ARHGEF1: variants seen among roughly 807,000 people sequenced by gnomAD.
ARHGEF1 encodes the protein 115 kDa guanine nucleotide exchange factor.
A neutral mutation model predicts 119.7 loss-of-function variants in ARHGEF1; 40 were observed. The ratio of observed to expected loss-of-function variants is 0.33; its 90% confidence interval spans 0.26 to 0.44. ARHGEF1 has a LOEUF of 0.44. Among genes scored for constraint, ARHGEF1 ranks in the 20% least tolerant of loss-of-function variants. The probability of loss-of-function intolerance (pLI) is 1.00; values close to 1 mark genes in which losing one functional copy is unlikely to be tolerated. For synonymous variants in ARHGEF1, 494 were observed against 521.0 expected (o/e 0.95, Z 0.71); for missense variants, 976 against 1,268.3 (o/e 0.77, Z 3.50).
At chr19:41,918,005 C>A (rs902722942) in intron 18 of ARHGEF1, among the ~76,000 whole-genome samples, 3 of 152,102 alleles carry the variant, frequency 2.0e-5, no homozygotes, top group African/African-American at 7.2e-5. Flanking sequence ...CAGGGGCCGG[C>A]CCTCGACAGG....
downstream of ARHGEF1, chr19:41,909,279 A>C (rs1440635522): frequency 1.6e-6 from 2 of 1,233,224 alleles, no homozygotes; most frequent in East Asian, 6.3e-5. The surrounding 1 kb of genome is among the most constrained non-coding windows in gnomAD (Gnocchi z 5.2). Context: ...GACTCACCTC[A>C]GGGGTGAGGG....
rs978582152 is a variant in ARHGEF1, at chr19:41,902,455, C to T, written c.1498-78C>T. The T allele has an allele frequency of 3.6e-5, 58 of 1,611,048 alleles. No homozygotes were observed. The highest frequency in any genetic ancestry group is 1.6e-4 in the Middle Eastern group (1 of 6,072). On this transcript the variant is annotated intron_variant, in intron 16 of 28. Transcript: ENST00000354532. The surrounding 1 kb of genome is among the most constrained non-coding windows in gnomAD (Gnocchi z 6.5). ...CCCTACTCCAGTCCCAGGGTCTGGG[C>T]TTCCAGCCTGTCGTACTTTAGTCCC...
rs1254943325 is a variant in ARHGEF1, at chr19:41,904,646, T to C, written c.2161+263T>C. Among the ~76,000 whole-genome samples the C allele has an allele frequency of 6.6e-6, 1 of 152,062 alleles. No individual in the cohort carries two copies. Among genetic ancestry groups the C allele is most frequent in the African/African-American group, 2.4e-5 (1 of 41,386 alleles). The stretch of plus-strand genomic sequence containing the variant: ...CAGGAGTCCAGTGAGGAGGGATTTG[T>C]AAACATACTACTAGGAAGTTGCACC... On this transcript the variant is annotated intron_variant, in intron 22 of 28. Coordinates refer to ENST00000354532, the MANE Select transcript of ARHGEF1 (RefSeq NM_004706.4). This position sits in a 1 kb window ranked among gnomAD's most constrained non-coding sequence, Gnocchi z 8.4.
chr19:41,894,379 C>G, intron 9 of ARHGEF1, 72 bp from the exon 10 acceptor site: 1 of 1,515,418 alleles, frequency 6.6e-7, no homozygotes, highest in East Asian at 2.3e-5. Context: ...ACTCTGGATA[C>G]CTAGCGTCAA....
Position 41,889,058 on chromosome 19 carries a change from A to G in ARHGEF1, c.225+193A>G. 1 of 576,278 alleles carries G rather than the reference A, an allele frequency of 1.7e-6. No individual in the cohort carries two copies. Among genetic ancestry groups the G allele is most frequent in the South Asian group, 2.0e-5 (1 of 48,918 alleles). 35.7% of individuals were successfully genotyped at this position (576,278 alleles called of 1,614,324 possible). A position where few individuals can be genotyped will look rare whatever the true frequency, so the allele number is the denominator to read the frequency against. ...TGCCACGTGACCTCAACAGGCTTAC[A>G]AGTGCCCAGGGTAGATCTCAGTGCG... On this transcript the variant is annotated intron_variant, in intron 4 of 28. Transcript: ENST00000354532. The surrounding 1 kb of genome is among the most constrained non-coding windows in gnomAD (Gnocchi z 4.0).
rs1555849709 is a variant in ARHGEF1 at position 41,904,383 on chromosome 19, G to A, written c.2161G>A (p.Asp721Asn). Reference sequence around the variant, plus strand: ...CGCCATGACCCGCGAGGTGGCCACCGGTGAGTGCAGCCACTGCATGGCCCA... The same window carrying A: ...CGCCATGACCCGCGAGGTGGCCACCAGTGAGTGCAGCCACTGCATGGCCCA... ...TSAMTREVAT[D>N]HKAFYVLFTW... is the part of the protein sequence containing the mutation. Residue 721 changes from aspartate (D) to asparagine (N), a missense_variant and splice_region_variant, in exon 22 of 29, where the codon GAT becomes AAT. Physicochemically the swap from Asp to Asn is conservative, Grantham distance 23. This residue lies in a region of ARHGEF1 where 286 missense variants were observed against 506.8 expected (regional missense o/e 0.56). Transcript: ENST00000354532. This position sits in a 1 kb window ranked among gnomAD's most constrained non-coding sequence, Gnocchi z 8.4. The A allele has an allele frequency of 5.8e-6, 9 of 1,563,554 alleles. No individual in the cohort carries two copies. The South Asian group carries it at 7.0e-5, about 12-fold the overall frequency.
chr19:41,927,421 C>G (rs539458785), intron 1 of ARHGEF1, among the ~76,000 whole-genome samples: 1 of 152,194 alleles, frequency 6.6e-6, no homozygotes, highest in East Asian at 1.9e-4. Flanking sequence ...TTCGCAGACC[C>G]TTAGCTTTGA....
intron 11 of ARHGEF1, 28 bp from the exon 12 acceptor site, chr19:41,895,321 C>T (rs782451351): frequency 1.7e-5 from 27 of 1,587,028 alleles, no homozygotes; most frequent in Non-Finnish European, 2.1e-5. Context: ...TCTCTTATCT[C>T]CCTCTTTCTC....
chr19:41,903,103 T>TTA lies in ARHGEF1; in HGVS notation c.1739-203_1739-202dup, dbSNP rs1298467624. On this transcript the variant is annotated intron_variant, in intron 18 of 28. Coordinates refer to ENST00000354532, the MANE Select transcript of ARHGEF1 (RefSeq NM_004706.4). The surrounding 1 kb of genome is among the most constrained non-coding windows in gnomAD (Gnocchi z 4.2). Reference sequence around the variant, plus strand: ...CAGCTAATTTTTTTAGTTTTTTTTTTTAGAGACGGGGTCTCGCCATGTTGC... The same window carrying TTA: ...CAGCTAATTTTTTTAGTTTTTTTTTTTATAGAGACGGGGTCTCGCCATGTTGC... Among the ~76,000 whole-genome samples, 3 of 150,854 alleles carry TTA rather than the reference T, an allele frequency of 2.0e-5. No homozygotes were observed. Among genetic ancestry groups the TTA allele is most frequent in the African/African-American group, 7.4e-5 (3 of 40,296 alleles).
Position 41,916,376 on chromosome 19 carries a change from G to A in ARHGEF1, c.1866-6716G>A, listed in dbSNP as rs782487343. 1.3e-5 allele frequency among the ~76,000 whole-genome samples: 2 copies of A among 151,806 alleles called. No individual in the cohort carries two copies. Among genetic ancestry groups the A allele is most frequent in the Non-Finnish European group, 2.9e-5 (2 of 67,966 alleles). ...TGCCACACACAACCCACATCACACA[G>A]ATGCATGTGTCAGTAAAGTCACACA... On this transcript the variant is annotated intron_variant, in intron 18 of 20. Transcript: ENST00000599589. This position sits in a 1 kb window ranked among gnomAD's most constrained non-coding sequence, Gnocchi z 5.4.
At position 41,892,357 on chromosome 19, in the gene ARHGEF1, C is replaced by A; in HGVS notation, c.351C>A (p.Asn117Lys). 6.2e-7 allele frequency: 1 copy of A among 1,614,082 alleles called. No individual in the cohort carries two copies. The highest frequency in any genetic ancestry group is 8.5e-7 in the Non-Finnish European group (1 of 1,180,024). ...TAVLRVPVPP[N>K]VAFELDRTRA... ...TTCTCCGGGTGCCGGTCCCTCCCAA[C>A]GTCGCCTTTGAACTTGGTAAGGAGA... Residue 117 changes from asparagine (N) to lysine (K), a missense_variant, in exon 6 of 29, where the codon AAC becomes AAA. Around this residue, in one of 3 missense-constraint regions of ARHGEF1, gnomAD observed 519 missense variants for 580.9 expected, o/e 0.89. Transcript: ENST00000354532. The surrounding 1 kb of genome is among the most constrained non-coding windows in gnomAD (Gnocchi z 6.3).
intron 4 of ARHGEF1, 90 bp from the exon 5 acceptor site, chr19:41,891,935 G>A: frequency 8.9e-7 from 1 of 1,118,336 alleles, no homozygotes; most frequent in Non-Finnish European, 1.3e-6. Context: ...CCATAGGATG[G>A]CCAGGAGGTG....
Position 41,902,573 on chromosome 19 carries a change from C to T in ARHGEF1, c.1538C>T (p.Ser513Phe), listed in dbSNP as rs781854393. 3 of 1,614,192 alleles carry T rather than the reference C, an allele frequency of 1.9e-6. No homozygotes were observed. Among genetic ancestry groups the T allele is most frequent in the Admixed American group, 1.7e-5 (1 of 60,024 alleles). ...AEGSWFQKIS[S>F]RFCSRQSFAL... ...GGCTCCTGGTTCCAGAAAATCTCCT[C>T]CCGCTTCTGCAGCCGCCAGTCATTT... Residue 513 changes from serine to phenylalanine, a missense_variant, in exon 17 of 29, where the codon TCC (serine) becomes TTC (phenylalanine). Physicochemically the swap from Ser to Phe is radical, Grantham distance 155 (BLOSUM62 -2). Transcript: ENST00000354532. This position sits in a 1 kb window ranked among gnomAD's most constrained non-coding sequence, Gnocchi z 6.5.
downstream of ARHGEF1, among the ~76,000 whole-genome samples, chr19:41,908,874 G>GC (rs1465524979): frequency 6.7e-6 from 1 of 148,150 alleles, no homozygotes; most frequent in African/African-American, 2.5e-5. The surrounding 1 kb of genome is among the most constrained non-coding windows in gnomAD (Gnocchi z 6.7). Flanking sequence ...ACCCCTGAAA[G>GC]CCCCTGTCTC....
chr19:41,894,111 GGA>G (rs374244270), intron 8 of ARHGEF1, 94 bp from the exon 9 acceptor site: 1,079 of 772,400 alleles, frequency 1.4e-3, no homozygotes, highest in South Asian at 2.5e-3. Context: ...GCCTCTAGGG[GGA>G]GAGAGAGAGA....
At chr19:41,897,210 C>A (rs1555847986) in intron 13 of ARHGEF1, 1 of 1,174,906 alleles carries the variant, frequency 8.5e-7, no homozygotes, top group East Asian at 5.9e-5. Context: ...GCTCTGCCTC[C>A]TGCCCGTCCT....
At chr19:41,898,340 T>A (rs1555848328) in intron 13 of ARHGEF1, 102 bp from the exon 14 acceptor site, 2 of 1,521,936 alleles carry the variant, frequency 1.3e-6, no homozygotes, top group African/African-American at 2.8e-5. Flanking sequence ...CCTGCGGGCA[T>A]CGAATGCCAA....
At chr19:41,914,079 A>ACC (rs71181141) in intron 18 of ARHGEF1, among the ~76,000 whole-genome samples, 1 of 137,634 alleles carries the variant, frequency 7.3e-6, no homozygotes, top group African/African-American at 2.8e-5. Context: ...AGCCCCGCCT[A>ACC]CCCCTGGACA....
chr19:41,919,017 C>G (rs56274608), upstream of ARHGEF1, among the ~76,000 whole-genome samples: 911 of 151,442 alleles, frequency 6.0e-3, 9 homozygotes, highest in African/African-American at 0.02. Context: ...ACATACACAC[C>G]ATGCCACAGA....
Sources: allele counts gnomAD v4.1 joint callset (sites outside exome capture counted in the v4.1 genomes callset), GRCh38; gene constraint gnomAD v4.1.1; regional missense constraint gnomAD v4.1.1; non-coding constraint Gnocchi (gnomAD v3.1); transcripts MANE v1.5; gene names NCBI Gene and HGNC (gene_info 2026-07-23, HGNC 2026-07-21).